TUBGCP4: variants seen among roughly 807,000 people sequenced by gnomAD.
TUBGCP4 encodes the protein tubulin gamma complex component 4, also known as gamma-tubulin complex component 4.
Under a neutral mutation model 91.6 loss-of-function variants are expected in TUBGCP4, and 54 were observed. That is an observed-to-expected ratio of 0.59 (90% CI 0.47 to 0.74). TUBGCP4 has a LOEUF of 0.74. Ranked by LOEUF, TUBGCP4 falls within the 30% of genes least tolerant of loss-of-function variation. TUBGCP4 has a pLI of 0.00. For missense variants in TUBGCP4, 593 were observed against 800.9 expected (o/e 0.74, Z 3.13); for synonymous variants, 297 against 302.8 (o/e 0.98, Z 0.20).
intron 7 of TUBGCP4, among the ~76,000 whole-genome samples, chr15:43,384,601 T>C (rs2044329019): frequency 6.6e-6 from 1 of 152,148 alleles, no homozygotes; most frequent in Non-Finnish European, 1.5e-5. Context: ...TTACAAGAGA[T>C]GGTGTGAGGG....
chr15:43,396,421 T>A (rs777270540), intron 11 of TUBGCP4, among the ~76,000 whole-genome samples: 1 of 152,182 alleles, frequency 6.6e-6, no homozygotes, highest in East Asian at 1.9e-4. Context: ...TCATACTGCA[T>A]GAGTAGAGTT....
At chr15:43,402,644 T>C (rs745397423) in intron 15 of TUBGCP4, 12 of 152,342 alleles carry the variant, frequency 7.9e-5, no homozygotes, top group East Asian at 3.9e-4. Context: ...TGGCTGCACA[T>C]TGGAATCATC....
chr15:43,385,529 T>C, intron 7 of TUBGCP4: 1 of 517,730 alleles, frequency 1.9e-6, no homozygotes, highest in South Asian at 1.8e-5. Flanking sequence ...TGGTCGACTG[T>C]GCAAGTTTTT....
intron 1 of TUBGCP4, among the ~76,000 whole-genome samples, chr15:43,373,303 G>A (rs1306269285): frequency 1.3e-5 from 2 of 152,092 alleles, no homozygotes; most frequent in South Asian, 2.1e-4. Context: ...CAGTAACTTC[G>A]AGTTATTATT....
chr15:43,383,986 A>G (rs1047400312), intron 7 of TUBGCP4, among the ~76,000 whole-genome samples: 61 of 152,072 alleles, frequency 4.0e-4, no homozygotes, highest in African/African-American at 1.4e-3. Flanking sequence ...TTTTATTTTC[A>G]TATTTTTAGT....
rs942855454 is a variant in TUBGCP4 at position 43,405,514 on chromosome 15, T to C, written c.*300T>C. The C allele has an allele frequency of 6.7e-5, 29 of 433,202 alleles. No individual in the cohort carries two copies. The Middle Eastern group carries it at 1.6e-3, about 24-fold the overall frequency. 26.8% of individuals were successfully genotyped at this position (433,202 alleles called of 1,614,324 possible). ...ATTTATTGAGCACCTACTACGTACC[T>C]TGGTACTGTTCAAGCTGTGGGAGAT... On this transcript the variant is annotated 3_prime_UTR_variant, in exon 18 of 18. Coordinates refer to ENST00000564079, the MANE Select transcript of TUBGCP4 (RefSeq NM_014444.5).
At chr15:43,393,568 G>A (rs992901135) in intron 9 of TUBGCP4, among the ~76,000 whole-genome samples, 3 of 151,870 alleles carry the variant, frequency 2.0e-5, no homozygotes, top group Admixed American at 1.3e-4. Context: ...TTAGCATTAG[G>A]TATATCTCCT....
Position 43,376,149 on chromosome 15 carries a change from C to A in TUBGCP4, c.130C>A (p.Arg44=). The change falls in exon 2 of 18, where the codon CGA becomes AGA. Residue 44 remains arginine, a synonymous_variant. Transcript: ENST00000564079. ...LHPSETSVLN[R]LCRLGTDYIR... is the part of the protein sequence containing the mutation. ...CCCCAGTGAGACCAGTGTCCTGAAT[C>A]GACTCTGCCGGCTCGGCACAGACTA... The A allele has an allele frequency of 6.2e-7, 1 of 1,614,088 alleles. No homozygotes were observed. The highest frequency in any genetic ancestry group is 1.1e-5 in the South Asian group (1 of 91,060).
intron 13 of TUBGCP4, among the ~76,000 whole-genome samples, chr15:43,399,687 G>A (rs2044635630): frequency 6.6e-6 from 1 of 152,134 alleles, no homozygotes. Context: ...AATCTTTTGT[G>A]ATTTACCTTT....
In TUBGCP4 at chr15:43,407,790, T is replaced by G; in HGVS notation, c.*2576T>G. The G allele has an allele frequency of 3.6e-6, 3 of 841,074 alleles. No individual in the cohort carries two copies. Among genetic ancestry groups the G allele is most frequent in the Non-Finnish European group, 5.6e-6 (3 of 539,566 alleles). 52.1% of individuals were successfully genotyped at this position (841,074 alleles called of 1,614,324 possible). ...AAATATACGTCCAGTGCTTCACTTA[T>G]GTTGACTCACCTCTTGAAGGTGGTA... On this transcript the variant is annotated 3_prime_UTR_variant, in exon 18 of 18. Coordinates refer to ENST00000564079, the MANE Select transcript of TUBGCP4 (RefSeq NM_014444.5).
Position 43,407,645 on chromosome 15 carries a change from C to T in TUBGCP4, c.*2431C>T. The T allele has an allele frequency of 7.2e-7, 1 of 1,389,690 alleles. No homozygotes were observed. The highest frequency in any genetic ancestry group is 9.9e-7 in the Non-Finnish European group (1 of 1,015,140). The allele number at this position is 1,389,690 out of a possible 1,614,324, so 86.1% of individuals were successfully genotyped here. ...CTCCATTAGAAAGAGAGATTTGATT[C>T]TAACCAATACATCCCACTCTGCACA... On this transcript the variant is annotated 3_prime_UTR_variant, in exon 18 of 18. Transcript: ENST00000564079.
In TUBGCP4 at chr15:43,395,642, A is replaced by G; in HGVS notation, c.1125A>G (p.Thr375=). The G allele has an allele frequency of 6.2e-7, 1 of 1,614,156 alleles. No individual in the cohort carries two copies. The highest frequency in any genetic ancestry group is 8.5e-7 in the Non-Finnish European group (1 of 1,180,006). ...AACTGTTTCAGGCCTTCATTGACAC[A>G]GCTCAACACATGTTGAAAACACCAC... is the stretch of plus-strand genomic sequence containing the variant. ...RGELFQAFID[T]AQHMLKTPPT... The change falls in exon 11 of 18, where the codon ACA becomes ACG. Residue 375 remains threonine (T), a synonymous_variant. Coordinates refer to ENST00000564079, the MANE Select transcript of TUBGCP4 (RefSeq NM_014444.5).
rs2045030590 is a variant in TUBGCP4 at position 43,409,205 on chromosome 15, C to A, written c.*3991C>A. ...CAGATCTGAAGACTCCCAACTACTACCCAAAATGTGATTTAGTCTATCCTG... is the reference window on the plus strand; with the variant it reads ...CAGATCTGAAGACTCCCAACTACTAACCAAAATGTGATTTAGTCTATCCTG... On this transcript the variant is annotated 3_prime_UTR_variant, in exon 18 of 18. Transcript: ENST00000564079. 5.1e-6 allele frequency: 5 copies of A among 976,520 alleles called. No homozygotes were observed. In the African/African-American group the frequency reaches 8.0e-5, roughly 16 times the overall value. The allele number at this position is 976,520 out of a possible 1,614,324, so 60.5% of individuals were successfully genotyped here. A position where few individuals can be genotyped will look rare whatever the true frequency, so the allele number is the denominator to read the frequency against.
intron 15 of TUBGCP4, 33 bp downstream of exon 15, chr15:43,401,883 T>C (rs1431024385): frequency 3.7e-6 from 6 of 1,611,936 alleles, no homozygotes; most frequent in Non-Finnish European, 5.1e-6. Flanking sequence ...CTCAGACTGC[T>C]TCTACCACTG....
chr15:43,409,358 G>A lies in TUBGCP4; in HGVS notation c.*4144G>A, dbSNP rs2045035894. On this transcript the variant is annotated 3_prime_UTR_variant, in exon 18 of 18. Transcript: ENST00000564079. The stretch of plus-strand genomic sequence containing the variant: ...AAAACCTATGAACTCAGCCTTTCAG[G>A]CTAAAAATCAGCAACCCTAATAGGG... 1.8e-6 allele frequency: 1 copy of A among 571,404 alleles called. No homozygotes were observed. Among genetic ancestry groups the A allele is most frequent in the African/African-American group, 1.9e-5 (1 of 53,544 alleles). The allele number at this position is 571,404 out of a possible 1,614,324, so 35.4% of individuals were successfully genotyped here.
At position 43,406,656 on chromosome 15, in the gene TUBGCP4, G is replaced by C; in HGVS notation, c.*1442G>C. The stretch of plus-strand genomic sequence containing the variant: ...AATGAGAAGCCATGCAGGGATCAGT[G>C]ATGCCAGAGGAAGGGAAGGAACTGC... On this transcript the variant is annotated 3_prime_UTR_variant, in exon 18 of 18. Coordinates refer to ENST00000564079, the MANE Select transcript of TUBGCP4 (RefSeq NM_014444.5). 1 of 453,918 alleles carries C rather than the reference G, an allele frequency of 2.2e-6. No homozygotes were observed. Among genetic ancestry groups the C allele is most frequent in the Non-Finnish European group, 4.4e-6 (1 of 226,230 alleles). The allele number at this position is 453,918 out of a possible 1,614,324, so 28.1% of individuals were successfully genotyped here.
chr15:43,407,460 T>C lies in TUBGCP4; in HGVS notation c.*2246T>C, dbSNP rs771928362. 1.7e-5 allele frequency: 27 copies of C among 1,614,210 alleles called. No homozygotes were observed. The South Asian group carries it at 3.0e-4, about 18-fold the overall frequency. ...CTCTCCCCAACAATGAGGCACTGGA[T>C]CACCCACTCTTGTGACACCACAGGC... is the stretch of plus-strand genomic sequence containing the variant. On this transcript the variant is annotated 3_prime_UTR_variant, in exon 18 of 18. Transcript: ENST00000564079.
intron 9 of TUBGCP4, among the ~76,000 whole-genome samples, chr15:43,393,215 T>C (rs982764956): frequency 1.4e-5 from 2 of 147,100 alleles, no homozygotes; most frequent in Admixed American, 6.8e-5. Flanking sequence ...CCAATGTCTT[T>C]TTTTTTTTTT....
At chr15:43,404,363 G>T (rs1217960070) in intron 16 of TUBGCP4, 50 bp from the exon 17 acceptor site, 2 of 1,609,074 alleles carry the variant, frequency 1.2e-6, no homozygotes, top group Non-Finnish European at 1.7e-6. Flanking sequence ...CCTCCATATG[G>T]AGAGTTGGTG....
Sources: gnomAD v4.1 joint callset for allele counts (sites outside exome capture counted in the v4.1 genomes callset) on GRCh38, gnomAD v4.1.1 for gene constraint, MANE v1.5 for transcripts, NCBI Gene and HGNC (gene_info 2026-07-23, HGNC 2026-07-21) for gene names.